Variants in SLC8A1 observed in about 807,000 individuals in gnomAD.
The protein encoded by SLC8A1 is sodium/calcium exchanger 1.
SLC8A1 carries 18 observed loss-of-function variants against 68.3 expected under a neutral mutation model. The ratio of observed to expected loss-of-function variants is 0.26; its 90% CI spans 0.18 to 0.39. The LOEUF (loss-of-function observed/expected upper bound fraction) is 0.39, where lower values mean the gene tolerates loss of function less well. Ranked by LOEUF, SLC8A1 falls within the 10% of genes least tolerant of loss-of-function variation. The probability of loss-of-function intolerance (pLI) is 1.00; values close to 1 mark genes in which losing one functional copy is unlikely to be tolerated. For synonymous variants in SLC8A1, 475 were observed against 415.5 expected, an observed-to-expected ratio of 1.14 and a Z score of -1.74; for missense variants, 985 against 1,156.7, an observed-to-expected ratio of 0.85 and a Z score of 2.15.
intron 6 of SLC8A1, among the ~76,000 whole-genome samples, chr2:40,156,376 G>C (rs188294345): frequency 8.7e-6 from 1 of 115,062 alleles, no homozygotes; most frequent in African/African-American, 3.3e-5. Context: ...TTTTTTTTGA[G>C]TCACTTTTGA....
intron 2 of SLC8A1, among the ~76,000 whole-genome samples, chr2:40,399,267 T>C (rs755826063): frequency 6.6e-6 from 1 of 152,066 alleles, no homozygotes; most frequent in Non-Finnish European, 1.5e-5. Context: ...GAAAACCAAA[T>C]ACGAGATTCA....
chr2:40,442,701 C>T (rs1268785713), intron 1 of SLC8A1, among the ~76,000 whole-genome samples: 1 of 152,128 alleles, frequency 6.6e-6, no homozygotes, highest in African/African-American at 2.4e-5. Flanking sequence ...TGTGGCAATT[C>T]CTCAAGGATC....
At chr2:40,158,151 A>G (rs1160655335) in intron 6 of SLC8A1, among the ~76,000 whole-genome samples, 4 of 152,218 alleles carry the variant, frequency 2.6e-5, no homozygotes, top group Non-Finnish European at 5.9e-5. Flanking sequence ...GCAATTTAAT[A>G]TTTGTAATAA....
Position 40,421,206 on chromosome 2 carries a change from A to C in SLC8A1, c.1808+7267T>G, listed in dbSNP as rs891035407. Reference sequence around the variant, plus strand: ...AACCACCACCATTCCAACCACAACCATCACTACCACCATTACCAATATATC... The same window carrying C: ...AACCACCACCATTCCAACCACAACCCTCACTACCACCATTACCAATATATC... On this transcript the variant is annotated intron_variant, in intron 2 of 7. Transcript: ENST00000406785. 2.6e-5 allele frequency among the ~76,000 whole-genome samples: 4 copies of C among 152,060 alleles called. 1 individual carries two copies. The South Asian group carries it at 8.3e-4, about 32-fold the overall frequency.
At chr2:40,104,860 T>C (rs1347453490) in exon 8 of SLC8A1, 1 of 152,162 alleles carries the variant, frequency 6.6e-6, no homozygotes, top group Non-Finnish European at 1.5e-5. Context: ...AACTGACCAA[T>C]TTTTTGCTTT....
intron 2 of SLC8A1, among the ~76,000 whole-genome samples, chr2:40,401,225 C>A (rs1303645268): frequency 6.6e-6 from 1 of 152,214 alleles, no homozygotes; most frequent in Non-Finnish European, 1.5e-5. Context: ...ATCTTCCAAA[C>A]ACCATCTACT....
At chr2:40,369,203 A>G (rs1187231178) in intron 2 of SLC8A1, among the ~76,000 whole-genome samples, 1 of 152,108 alleles carries the variant, frequency 6.6e-6, no homozygotes, top group East Asian at 1.9e-4. Context: ...TAATTAAACT[A>G]AAGAGCTTCT....
At chr2:40,194,313 A>G (rs901449561) in intron 2 of SLC8A1, among the ~76,000 whole-genome samples, 5 of 152,174 alleles carry the variant, frequency 3.3e-5, no homozygotes, top group African/African-American at 1.2e-4. Flanking sequence ...CTATCACATT[A>G]CATTATCTTC....
At chr2:40,469,101 T>G (rs1559752593) in intron 1 of SLC8A1, among the ~76,000 whole-genome samples, 1 of 152,154 alleles carries the variant, frequency 6.6e-6, no homozygotes, top group Non-Finnish European at 1.5e-5. Context: ...ATGGTCTCAT[T>G]AACAGTGTGT....
At chr2:40,184,990 A>G (rs985757559) in intron 2 of SLC8A1, among the ~76,000 whole-genome samples, 1 of 152,124 alleles carries the variant, frequency 6.6e-6, no homozygotes, top group Non-Finnish European at 1.5e-5. Context: ...ACAAATGGCC[A>G]ATAAGTACAT....
At chr2:40,499,814 T>C (rs1415231498) in intron 1 of SLC8A1, among the ~76,000 whole-genome samples, 1 of 152,128 alleles carries the variant, frequency 6.6e-6, no homozygotes, top group Non-Finnish European at 1.5e-5. Flanking sequence ...GAATCTGTTT[T>C]TCTGGAACAC....
intron 2 of SLC8A1, among the ~76,000 whole-genome samples, chr2:40,287,645 A>C (rs957280294): frequency 8.2e-6 from 1 of 121,620 alleles, no homozygotes; most frequent in African/African-American, 3.2e-5. Context: ...GGGGCATCTT[A>C]GCTCAAGCTT....
intron 2 of SLC8A1, among the ~76,000 whole-genome samples, chr2:40,365,792 G>C (rs567581804): frequency 8.5e-5 from 13 of 152,078 alleles, no homozygotes; most frequent in African/African-American, 2.4e-4. Context: ...CTTGAGGCCA[G>C]GAGTTCAAGA....
At chr2:40,247,456 G>GTGTGT (rs1558939682) in intron 2 of SLC8A1, among the ~76,000 whole-genome samples, 1 of 111,482 alleles carries the variant, frequency 9.0e-6, no homozygotes, top group South Asian at 2.4e-4. Flanking sequence ...GTGTGTGTGT[G>GTGTGT]GAGAGAGAGA....
chr2:40,145,458 T>C (rs1343417268), intron 6 of SLC8A1, among the ~76,000 whole-genome samples: 1 of 152,216 alleles, frequency 6.6e-6, no homozygotes, highest in African/African-American at 2.4e-5. Flanking sequence ...CTGGAAAATG[T>C]ATGCTGCTGT....
At chr2:40,321,886 T>C (rs2075243211) in intron 2 of SLC8A1, among the ~76,000 whole-genome samples, 2 of 152,102 alleles carry the variant, frequency 1.3e-5, no homozygotes, top group African/African-American at 4.8e-5. Flanking sequence ...ATGTAAAGTA[T>C]TTTCCACTCA....
At chr2:40,317,736 T>C (rs2074658728) in intron 2 of SLC8A1, among the ~76,000 whole-genome samples, 1 of 152,114 alleles carries the variant, frequency 6.6e-6, no homozygotes, top group Non-Finnish European at 1.5e-5. Flanking sequence ...TTACCTTAAG[T>C]TGCCCTTACT....
intron 2 of SLC8A1, among the ~76,000 whole-genome samples, chr2:40,252,839 T>TATAC: frequency 6.9e-6 from 1 of 144,618 alleles, no homozygotes; most frequent in Admixed American, 7.0e-5. Flanking sequence ...TACATGTGTA[T>TATAC]ACATATATGT....
At chr2:40,300,679 C>G (rs62150808) in intron 2 of SLC8A1, among the ~76,000 whole-genome samples, 27,568 of 151,924 alleles carry the variant, frequency 0.18, 3,151 homozygotes, top group East Asian at 0.37. Context: ...TTTTGGAGAC[C>G]AGAAACCTAG....
Sources: allele counts gnomAD v4.1 joint callset (sites outside exome capture counted in the v4.1 genomes callset), GRCh38; gene constraint gnomAD v4.1.1; transcripts MANE v1.5; gene names NCBI Gene and HGNC (gene_info 2026-07-23, HGNC 2026-07-21).